The following CDH13 variants were observed in gnomAD, a reference collection of about 807,000 sequenced individuals.
CDH13 encodes the protein cadherin-13.
A neutral mutation model predicts 63.8 loss-of-function variants in CDH13; 24 were observed. The observed-to-expected ratio is 0.38, with a 90% confidence interval of 0.27 to 0.53. The LOEUF is 0.53. Ranked by LOEUF, CDH13 falls within the 20% of genes least tolerant of loss-of-function variation. CDH13 has a pLI of 0.85. For missense variants in CDH13, 1,049 were observed against 903.1 expected, an observed-to-expected ratio of 1.16 and a Z score of -2.07; for synonymous variants, 503 against 355.3, an observed-to-expected ratio of 1.42 and a Z score of -4.67.
intron 5 of CDH13, among the ~76,000 whole-genome samples, chr16:83,319,981 G>A (rs2090186232): frequency 1.3e-5 from 2 of 152,184 alleles, no homozygotes; most frequent in South Asian, 4.1e-4. Flanking sequence ...GTAATTCTAG[G>A]ATTATTCTGC....
At chr16:82,637,575 C>T (rs8061187) in intron 1 of CDH13, 12,194 of 150,756 alleles carry the variant, frequency 0.081, 1,287 homozygotes, top group African/African-American at 0.25. Context: ...GGGCTACAGG[C>T]GCCCGCCACA....
At chr16:83,061,946 C>G (rs1237778176) in intron 3 of CDH13, among the ~76,000 whole-genome samples, 1 of 152,154 alleles carries the variant, frequency 6.6e-6, no homozygotes, top group Non-Finnish European at 1.5e-5. Flanking sequence ...GCTGTGAGAA[C>G]TGTGATTTGG....
At chr16:83,431,783 G>A (rs745583831) in intron 6 of CDH13, among the ~76,000 whole-genome samples, 20 of 152,186 alleles carry the variant, frequency 1.3e-4, no homozygotes, top group South Asian at 2.1e-4. Flanking sequence ...TAAACCATTC[G>A]CAAGAATTCA....
chr16:82,892,045 G>A (rs1045116356), intron 2 of CDH13, among the ~76,000 whole-genome samples: 4 of 152,148 alleles, frequency 2.6e-5, no homozygotes, highest in East Asian at 3.9e-4. Context: ...ACCTCAGCTC[G>A]TCCCTTTATG....
chr16:82,820,209 A>G (rs924929385), intron 1 of CDH13, among the ~76,000 whole-genome samples: 13 of 152,190 alleles, frequency 8.5e-5, no homozygotes, highest in African/African-American at 3.1e-4. Flanking sequence ...CAGCATCACC[A>G]CAAAGGAGAT....
intron 1 of CDH13, among the ~76,000 whole-genome samples, chr16:82,740,168 C>T (rs1436888397): frequency 6.6e-6 from 1 of 152,194 alleles, no homozygotes. Flanking sequence ...ACAATATGGA[C>T]TGAGCTCATA....
intron 6 of CDH13, among the ~76,000 whole-genome samples, chr16:83,481,658 C>G (rs1021493831): frequency 1.3e-5 from 2 of 152,210 alleles, no homozygotes; most frequent in Non-Finnish European, 2.9e-5. Flanking sequence ...CAACTTGAGA[C>G]TTTCAACCAG....
intron 4 of CDH13, among the ~76,000 whole-genome samples, chr16:83,153,202 T>A (rs1438611302): frequency 4.6e-5 from 7 of 151,972 alleles, no homozygotes. Flanking sequence ...GGAGGGGCAG[T>A]GAGTTGGGGA....
intron 1 of CDH13, among the ~76,000 whole-genome samples, chr16:82,847,099 G>T (rs1213679757): frequency 6.6e-6 from 1 of 151,656 alleles, no homozygotes; most frequent in Non-Finnish European, 1.5e-5. Flanking sequence ...CCTCTATTTT[G>T]CCCTCTTCAT....
At chr16:82,668,037 A>G (rs1277494369) in intron 1 of CDH13, among the ~76,000 whole-genome samples, 1 of 152,134 alleles carries the variant, frequency 6.6e-6, no homozygotes, top group Non-Finnish European at 1.5e-5. Context: ...CTGAATCTTT[A>G]GAGATTATCT....
Position 83,494,111 on chromosome 16 carries a change from T to C in CDH13, c.960+7456T>C, listed in dbSNP as rs1172290786. On this transcript the variant is annotated intron_variant, in intron 7 of 13. Transcript: ENST00000567109. ...GAAGAAAGATTCATCTTTTTAGATT[T>C]AACAAATGTTTAATTCTCTAAGATA... Among the ~76,000 whole-genome samples, 6 of 152,348 alleles carry C rather than the reference T, an allele frequency of 3.9e-5. No individual in the cohort carries two copies. The East Asian group carries it at 7.7e-4, about 20-fold the overall frequency.
chr16:83,017,854 C>T (rs138317358), intron 2 of CDH13, among the ~76,000 whole-genome samples: 21 of 152,258 alleles, frequency 1.4e-4, no homozygotes, highest in African/African-American at 4.1e-4. Context: ...TAAATGATGT[C>T]CTGCTAGCAT....
intron 10 of CDH13, among the ~76,000 whole-genome samples, chr16:83,691,963 C>CT (rs1438135833): frequency 6.6e-6 from 1 of 152,148 alleles, no homozygotes; most frequent in Non-Finnish European, 1.5e-5. Flanking sequence ...CTGATTACCC[C>CT]TTTTATACAG....
At chr16:82,738,843 T>C (rs2033804868) in intron 1 of CDH13, among the ~76,000 whole-genome samples, 1 of 152,254 alleles carries the variant, frequency 6.6e-6, no homozygotes, top group Admixed American at 6.5e-5. Context: ...ACTAATGTTA[T>C]TCATGAACAT....
rs182997664 is a variant in CDH13, at chr16:83,735,612, C to T, written c.1539-12496C>T. The T allele has an allele frequency of 2.7e-4, 41 of 152,244 alleles. No homozygotes were observed. In the East Asian group the frequency reaches 7.5e-3, roughly 28 times the overall value. The allele number at this position is 152,244 out of a possible 1,614,324, so 9.4% of individuals were successfully genotyped here. ...ATACATGAAATAATAAAGTATGTGT[C>T]TTTCTGGGCTTGGCTTATTTCACTT... On this transcript the variant is annotated intron_variant, in intron 10 of 13. Transcript: ENST00000567109.
chr16:83,310,287 C>G (rs559073776), intron 5 of CDH13, among the ~76,000 whole-genome samples: 2 of 152,198 alleles, frequency 1.3e-5, no homozygotes, highest in East Asian at 3.9e-4. Context: ...AAATAGCAGT[C>G]TAAGATACGG....
At chr16:83,764,426 AT>A (rs759122061) in intron 11 of CDH13, among the ~76,000 whole-genome samples, 15 of 152,186 alleles carry the variant, frequency 9.9e-5, no homozygotes, top group Non-Finnish European at 1.5e-4. Flanking sequence ...ATTTTCATTC[AT>A]TTTTTATGCA....
intron 2 of CDH13, among the ~76,000 whole-genome samples, chr16:82,968,265 G>A (rs1482509824): frequency 5.9e-5 from 9 of 152,136 alleles, no homozygotes; most frequent in African/African-American, 9.7e-5. Context: ...ATCCTAGCAC[G>A]TCAACTTTTA....
At chr16:83,296,037 A>T (rs1245538756) in intron 5 of CDH13, among the ~76,000 whole-genome samples, 2 of 152,320 alleles carry the variant, frequency 1.3e-5, no homozygotes, top group Non-Finnish European at 2.9e-5. Context: ...CATTGAATGA[A>T]ATCTCTGTGT....
Sources: gnomAD v4.1 joint callset for allele counts (sites outside exome capture counted in the v4.1 genomes callset) on GRCh38, gnomAD v4.1.1 for gene constraint, MANE v1.5 for transcripts, NCBI Gene and HGNC (gene_info 2026-07-23, HGNC 2026-07-21) for gene names.